Variants in A2ML1 observed in about 807,000 individuals in gnomAD.
A2ML1 encodes the protein alpha-2-macroglobulin like 1.
In A2ML1, 161 loss-of-function variants were observed where a neutral mutation model predicts 181.9. The ratio of observed to expected loss-of-function variants is 0.89; its 90% confidence interval spans 0.78 to 1.01. The LOEUF (loss-of-function observed/expected upper bound fraction) is 1.01. A2ML1 is among the 50% of genes least tolerant of loss of function. The pLI, the probability that A2ML1 is intolerant of heterozygous loss-of-function variation, is 0.00. For synonymous variants in A2ML1, 663 were observed against 666.8 expected (o/e 0.99, Z 0.09); for missense variants, 1,670 against 1,768.1 (o/e 0.94, Z 1.00).
intron 16 of A2ML1, 75 bp from the exon 17 acceptor site, chr12:8,849,594 G>A (rs1425705594): frequency 2.6e-6 from 3 of 1,173,492 alleles, no homozygotes; most frequent in African/African-American, 1.5e-5. Flanking sequence ...CTCTTTGATG[G>A]TGGAATTCCT....
chr12:8,857,657 C>A, intron 25 of A2ML1, 69 bp downstream of exon 25: 1 of 1,498,298 alleles, frequency 6.7e-7, no homozygotes, highest in South Asian at 1.2e-5. Flanking sequence ...TGGAACTATT[C>A]CACTACCTCT....
At position 8,835,660 on chromosome 12, in the gene A2ML1, G is replaced by T; in HGVS notation, c.637G>T (p.Glu213Ter). Residue 213 changes from glutamate (E) to a stop codon, truncating the protein, a stop_gained, in exon 6 of 36, where the codon GAA (glutamate) becomes TAA (stop). Transcript: ENST00000299698. LOFTEE classifies it high-confidence loss of function. ...GACCTTTGGTACTTTCAGTGTGGAG[G>T]AATATGGTAGGTGGGGAAATGGACA... ...GKTFGTFSVEEYVLPKFKVEV... is the reference protein window; with the variant it reads ...GKTFGTFSVE The T allele has an allele frequency of 1.2e-6, 2 of 1,614,118 alleles. No individual in the cohort carries two copies. The highest frequency in any genetic ancestry group is 1.1e-5 in the South Asian group (1 of 91,072).
chr12:8,856,898 C>CTTTTT (rs71891886), intron 23 of A2ML1, among the ~76,000 whole-genome samples: 7 of 124,970 alleles, frequency 5.6e-5, no homozygotes, highest in Non-Finnish European at 8.1e-5. Context: ...ACAGTAGGTA[C>CTTTTT]TTTTTTTTTT....
intron 7 of A2ML1, among the ~76,000 whole-genome samples, chr12:8,883,581 G>T (rs762623661): frequency 6.6e-6 from 1 of 151,664 alleles, no homozygotes; most frequent in South Asian, 2.1e-4. Flanking sequence ...AGGTTCAAGA[G>T]ATTCTCCTGC....
rs1388001179 is a variant in A2ML1, at chr12:8,845,435, T to C, written c.1477-7T>C. On this transcript the variant is annotated splice_region_variant and splice_polypyrimidine_tract_variant and intron_variant, in intron 12 of 35. Coordinates refer to ENST00000299698, the MANE Select transcript of A2ML1 (RefSeq NM_144670.6). ...TGTGCAGTTGATTCTTTTCTTTTCTTCTTTAGTTAATAGGGAAAGGAAGTT... is the reference window on the plus strand; with the variant it reads ...TGTGCAGTTGATTCTTTTCTTTTCTCCTTTAGTTAATAGGGAAAGGAAGTT... The C allele has an allele frequency of 6.2e-7, 1 of 1,614,074 alleles. No homozygotes were observed. Among genetic ancestry groups the C allele is most frequent in the Non-Finnish European group, 8.5e-7 (1 of 1,179,964 alleles).
intron 11 of A2ML1, 55 bp downstream of exon 11, chr12:8,841,591 AC>A: frequency 1.3e-6 from 2 of 1,559,712 alleles, no homozygotes; most frequent in Non-Finnish European, 1.7e-6. Context: ...CTGAAGGAAA[AC>A]TTCAGAATTT....
rs751236346 is a variant in A2ML1, at chr12:8,849,704, C to G, written c.2064C>G (p.Ile688Met). The G allele has an allele frequency of 6.2e-7, 1 of 1,614,188 alleles. No individual in the cohort carries two copies. Among genetic ancestry groups the G allele is most frequent in the Non-Finnish European group, 8.5e-7 (1 of 1,180,020 alleles). ...TGAAAATACTGTCCAATGCCAAAATCAAGAAGCCAGTAGATTGCAGTCACA... is the reference window on the plus strand; with the variant it reads ...TGAAAATACTGTCCAATGCCAAAATGAAGAAGCCAGTAGATTGCAGTCACA... ...VGLKILSNAK[I>M]KKPVDCSHRS... is the part of the protein sequence containing the mutation. Residue 688 changes from isoleucine to methionine, a missense_variant, in exon 17 of 36, where the codon ATC (isoleucine) becomes ATG (methionine). Transcript: ENST00000299698.
intron 13 of A2ML1, among the ~76,000 whole-genome samples, 161 bp downstream of exon 13, chr12:8,845,663 T>C (rs777206352): frequency 2.1e-3 from 321 of 151,840 alleles, no homozygotes; most frequent in African/African-American, 6.5e-3. Flanking sequence ...TTGGCTAACA[T>C]GGTGAAACCC....
intron 3 of A2ML1, among the ~76,000 whole-genome samples, chr12:8,825,121 T>G (rs892387206): frequency 6.6e-6 from 1 of 152,206 alleles, no homozygotes; most frequent in African/African-American, 2.4e-5. Context: ...GCAGTGGGCT[T>G]GCAGGATTAT....
intron 8 of A2ML1, 121 bp from the exon 9 acceptor site, chr12:8,838,215 C>T: frequency 3.2e-6 from 2 of 616,912 alleles, no homozygotes; most frequent in Non-Finnish European, 5.6e-6. Flanking sequence ...GAGAGTTTTT[C>T]TATATTAGAA....
chr12:8,877,987 G>A (rs1944830301), downstream of A2ML1, among the ~76,000 whole-genome samples: 1 of 152,146 alleles, frequency 6.6e-6, no homozygotes, highest in African/African-American at 2.4e-5. Flanking sequence ...TGTATACCAT[G>A]GAATGCTATG....
chr12:8,837,812 G>A (rs1357540136), intron 8 of A2ML1, among the ~76,000 whole-genome samples: 3 of 151,432 alleles, frequency 2.0e-5, no homozygotes, highest in Admixed American at 1.3e-4. Flanking sequence ...CCCGGGAGGC[G>A]GAGGTTGCAA....
chr12:8,884,329 C>T (rs751047690), intron 7 of A2ML1, among the ~76,000 whole-genome samples: 5 of 147,208 alleles, frequency 3.4e-5, no homozygotes, highest in East Asian at 2.0e-4. Flanking sequence ...TAGGTAAACA[C>T]GTGTCGCGGG....
At position 8,829,725 on chromosome 12, in the gene A2ML1, A is replaced by G. The variant is rs1943048306; in HGVS notation, c.410-2A>G. 1 of 1,613,212 alleles carries G rather than the reference A, an allele frequency of 6.2e-7. No homozygotes were observed. The highest frequency in any genetic ancestry group is 1.3e-5 in the African/African-American group (1 of 74,738). On this transcript the variant is annotated splice_acceptor_variant, in intron 3 of 35. Transcript: ENST00000299698. LOFTEE classifies it high-confidence loss of function. ...TTGCTAATGATGCCTGTTCCTTTCCAGTGTATTTCCGCATTGTCACCATGG... is the reference window on the plus strand; with the variant it reads ...TTGCTAATGATGCCTGTTCCTTTCCGGTGTATTTCCGCATTGTCACCATGG...
At chr12:8,868,111 A>G in intron 30 of A2ML1, 54 bp downstream of exon 30, 1 of 1,599,904 alleles carries the variant, frequency 6.3e-7, no homozygotes, top group Non-Finnish European at 8.6e-7. Flanking sequence ...GTCGGAGAGC[A>G]TCTTCCCCTT....
downstream of A2ML1, among the ~76,000 whole-genome samples, chr12:8,877,977 T>C (rs758829797): frequency 8.5e-5 from 13 of 152,116 alleles, no homozygotes; most frequent in Admixed American, 3.3e-4. Flanking sequence ...ATGTGGTCCA[T>C]GTATACCATG....
chr12:8,839,267 A>G, intron 10 of A2ML1, 45 bp downstream of exon 10: 2 of 1,441,800 alleles, frequency 1.4e-6, no homozygotes, highest in Non-Finnish European at 9.7e-7. Flanking sequence ...ATGCATAACC[A>G]TCTACTTTGC....
In A2ML1 at chr12:8,852,983, G is replaced by A. The variant is rs766248961; in HGVS notation, c.2590+647G>A. Among the ~76,000 whole-genome samples, 111 of 152,106 alleles carry A rather than the reference G, an allele frequency of 7.3e-4. No individual in the cohort carries two copies. Among genetic ancestry groups the A allele is most frequent in the African/African-American group, 2.3e-3 (96 of 41,518 alleles). ...AGTGCTGGGATTACAGGCGTGAGCC[G>A]CTGCGCCTGGCCTTTTATTTTTTTT... is the stretch of plus-strand genomic sequence containing the variant. On this transcript the variant is annotated intron_variant, in intron 20 of 35. Coordinates refer to ENST00000299698, the MANE Select transcript of A2ML1 (RefSeq NM_144670.6). The surrounding 1 kb of genome is among the most constrained non-coding windows in gnomAD (Gnocchi z 4.2).
chr12:8,841,374 A>C lies in A2ML1; in HGVS notation c.1086A>C (p.Arg362Ser). ...HPNFPFSGKIRVRGHDDSFLK... is the reference protein window; with the variant it reads ...HPNFPFSGKISVRGHDDSFLK... Reference sequence around the variant, plus strand: ...TAATGATCTTTGTCCTTCAGATAAGAGTTAGGGGCCATGATGACTCCTTCC... The same window carrying C: ...TAATGATCTTTGTCCTTCAGATAAGCGTTAGGGGCCATGATGACTCCTTCC... Residue 362 changes from arginine (R) to serine (S), a missense_variant, in exon 11 of 36, where the codon AGA becomes AGC. By Grantham distance (110) the Arg-to-Ser change is moderately radical (BLOSUM62 -1). Transcript: ENST00000299698. 1.2e-6 allele frequency: 2 copies of C among 1,614,022 alleles called. No individual in the cohort carries two copies. Among genetic ancestry groups the C allele is most frequent in the Non-Finnish European group, 1.7e-6 (2 of 1,179,982 alleles).
Sources: gnomAD v4.1 joint callset for allele counts (sites outside exome capture counted in the v4.1 genomes callset) on GRCh38, gnomAD v4.1.1 for gene constraint, Gnocchi (gnomAD v3.1) non-coding constraint, MANE v1.5 for transcripts, NCBI Gene and HGNC (gene_info 2026-07-23, HGNC 2026-07-21) for gene names.